The following USP13 variants were observed in gnomAD, a reference collection of about 807,000 sequenced individuals.
USP13 encodes ubiquitin specific peptidase 13.
In USP13, 68 loss-of-function variants were observed where a neutral mutation model predicts 107.8. The ratio of observed to expected loss-of-function variants is 0.63; its 90% CI spans 0.52 to 0.77. The LOEUF (loss-of-function observed/expected upper bound fraction) is 0.77, where lower values mean the gene tolerates loss of function less well. USP13 is among the 30% of genes least tolerant of loss of function. The probability of loss-of-function intolerance (pLI) is 0.00; values close to 1 mark genes in which losing one functional copy is unlikely to be tolerated. For missense variants in USP13, 945 were observed against 1,093.3 expected (o/e 0.86, Z 1.91); for synonymous variants, 377 against 389.5 (o/e 0.97, Z 0.38).
At chr3:179,726,942 G>T (rs1055843315) in intron 8 of USP13, among the ~76,000 whole-genome samples, 1 of 152,000 alleles carries the variant, frequency 6.6e-6, no homozygotes, top group Non-Finnish European at 1.5e-5. Context: ...GCTTCCAAAA[G>T]TACTGGGATT....
At chr3:179,673,116 T>C (rs1720795227) in intron 1 of USP13, among the ~76,000 whole-genome samples, 1 of 152,186 alleles carries the variant, frequency 6.6e-6, no homozygotes, top group South Asian at 2.1e-4. Context: ...CCTGAAAAGC[T>C]AGAATTTCTG....
chr3:179,666,864 G>A (rs1307442109), intron 1 of USP13, among the ~76,000 whole-genome samples: 1 of 152,190 alleles, frequency 6.6e-6, no homozygotes, highest in African/African-American at 2.4e-5. Context: ...CAGGCAGCCC[G>A]CAGGGGGCTA....
chr3:179,764,187 G>C lies in USP13; in HGVS notation c.2259+19G>C, dbSNP rs959442594. On this transcript the variant is annotated intron_variant, in intron 18 of 20. Coordinates refer to ENST00000263966, the MANE Select transcript of USP13 (RefSeq NM_003940.3). ...AGCAACGGTGAGCATGAGAGACTGT[G>C]TGTGTGTGTGTGTGTGTGTGTGTGT... 2.0e-6 allele frequency: 1 copy of C among 491,158 alleles called. No individual in the cohort carries two copies. Among genetic ancestry groups the C allele is most frequent in the Non-Finnish European group, 3.1e-6 (1 of 317,698 alleles). 30.4% of individuals were successfully genotyped at this position (491,158 alleles called of 1,614,324 possible). A position where few individuals can be genotyped will look rare whatever the true frequency, so the allele number is the denominator to read the frequency against.
At chr3:179,705,947 T>C (rs10428192) in intron 4 of USP13, among the ~76,000 whole-genome samples, 3,234 of 152,278 alleles carry the variant, frequency 0.021, 130 homozygotes, top group African/African-American at 0.075. Context: ...GGTCTCGAAC[T>C]CCTGACCTCA....
chr3:179,748,047 T>C (rs1335885677), intron 13 of USP13, among the ~76,000 whole-genome samples: 2 of 152,218 alleles, frequency 1.3e-5, no homozygotes, highest in Admixed American at 1.3e-4. Flanking sequence ...AAAGCAACTA[T>C]CATTTATTGC....
intron 16 of USP13, among the ~76,000 whole-genome samples, chr3:179,759,739 TCTC>T (rs1714938356): frequency 6.6e-6 from 1 of 151,984 alleles, no homozygotes; most frequent in South Asian, 2.1e-4. Context: ...CGTGGCGCGA[TCTC>T]AGCCCACTGC....
chr3:179,708,308 ATT>A (rs35675174), intron 5 of USP13, among the ~76,000 whole-genome samples: 161 of 142,458 alleles, frequency 1.1e-3, no homozygotes, highest in Middle Eastern at 3.6e-3. Flanking sequence ...AGGAACAATA[ATT>A]TTTTTTTTTT....
intron 10 of USP13, among the ~76,000 whole-genome samples, chr3:179,737,755 G>C (rs1199578897): frequency 1.3e-5 from 2 of 152,200 alleles, no homozygotes; most frequent in Admixed American, 1.3e-4. Context: ...TGGTGTTTCA[G>C]GTCCTCTGTG....
chr3:179,732,869 A>G (rs1326197327), intron 10 of USP13, among the ~76,000 whole-genome samples: 1 of 152,136 alleles, frequency 6.6e-6, no homozygotes, highest in Non-Finnish European at 1.5e-5. Flanking sequence ...AGCTCCTTAC[A>G]TCTCCAGGGT....
At chr3:179,670,699 AT>A (rs878956436) in intron 1 of USP13, among the ~76,000 whole-genome samples, 1 of 146,944 alleles carries the variant, frequency 6.8e-6, no homozygotes, top group Non-Finnish European at 1.5e-5. Flanking sequence ...CAATTTTTTT[AT>A]TTTTTTATTT....
chr3:179,655,296 G>C (rs1421439809), intron 1 of USP13, among the ~76,000 whole-genome samples: 1 of 152,164 alleles, frequency 6.6e-6, no homozygotes, highest in Non-Finnish European at 1.5e-5. Context: ...GGGAAAAAAG[G>C]CTGATTGTTT....
At chr3:179,761,442 G>A (rs1715009771) in intron 17 of USP13, among the ~76,000 whole-genome samples, 187 bp downstream of exon 17, 1 of 151,828 alleles carries the variant, frequency 6.6e-6, no homozygotes, top group South Asian at 2.1e-4. Flanking sequence ...AGCAGCTTTA[G>A]GCCAGGCGTG....
intron 19 of USP13, among the ~76,000 whole-genome samples, chr3:179,779,631 A>T (rs1715672479): frequency 6.6e-6 from 1 of 151,108 alleles, no homozygotes; most frequent in Non-Finnish European, 1.5e-5. Flanking sequence ...TTGGTAGATG[A>T]CCTGCTTCTG....
intron 13 of USP13, among the ~76,000 whole-genome samples, chr3:179,745,893 A>C (rs916028678): frequency 3.3e-5 from 5 of 152,100 alleles, no homozygotes; most frequent in African/African-American, 1.2e-4. Flanking sequence ...TGTCAGACAC[A>C]TAAAAGTTTT....
chr3:179,729,721 C>T (rs1318433795), intron 8 of USP13, among the ~76,000 whole-genome samples: 1 of 152,186 alleles, frequency 6.6e-6, no homozygotes, highest in Non-Finnish European at 1.5e-5. Context: ...ATCCACCCGC[C>T]TCAGCCTTCC....
At position 179,786,389 on chromosome 3, in the gene USP13, C is replaced by T. The variant is rs1318231525; in HGVS notation, c.*2248C>T. On this transcript the variant is annotated 3_prime_UTR_variant, in exon 21 of 21. Transcript: ENST00000263966. ...ATAAAATAAAAATTTTGTAATAAAA[C>T]TTTTAAAAATCAGTGATGTAAAATC... 1 of 152,086 alleles carries T rather than the reference C, an allele frequency of 6.6e-6. No individual in the cohort carries two copies. The highest frequency in any genetic ancestry group is 1.9e-4 in the East Asian group (1 of 5,192). 9.4% of individuals were successfully genotyped at this position (152,086 alleles called of 1,614,324 possible).
intron 10 of USP13, among the ~76,000 whole-genome samples, 157 bp downstream of exon 10, chr3:179,730,866 A>G (rs1713779695): frequency 6.6e-6 from 1 of 152,202 alleles, no homozygotes; most frequent in Admixed American, 6.5e-5. Context: ...TATGCTCTTA[A>G]AAATTGTGAC....
At chr3:179,723,268 T>C (rs1283506568) in intron 8 of USP13, among the ~76,000 whole-genome samples, 2 of 152,208 alleles carry the variant, frequency 1.3e-5, no homozygotes, top group African/African-American at 4.8e-5. Context: ...TTTCTGGCTT[T>C]GAAAATTTAT....
rs1351347194 is a variant in USP13, at chr3:179,787,389, C to T, written c.*3248C>T. The stretch of plus-strand genomic sequence containing the variant: ...GGTTAGACTAGATTAGCTCCAAAGT[C>T]CTCTCTTGCCCTAACATTTTATTTT... On this transcript the variant is annotated 3_prime_UTR_variant, in exon 21 of 21. Coordinates refer to ENST00000263966, the MANE Select transcript of USP13 (RefSeq NM_003940.3). 6.6e-6 allele frequency: 1 copy of T among 152,214 alleles called. No individual in the cohort carries two copies. Among genetic ancestry groups the T allele is most frequent in the Non-Finnish European group, 1.5e-5 (1 of 68,054 alleles). 9.4% of individuals were successfully genotyped at this position (152,214 alleles called of 1,614,324 possible). A position where few individuals can be genotyped will look rare whatever the true frequency, so the allele number is the denominator to read the frequency against.
Sources: allele counts gnomAD v4.1 joint callset (sites outside exome capture counted in the v4.1 genomes callset), GRCh38; gene constraint gnomAD v4.1.1; transcripts MANE v1.5; gene names NCBI Gene and HGNC (gene_info 2026-07-23, HGNC 2026-07-21).